LONP1: variants seen among roughly 807,000 people sequenced by gnomAD.
LONP1 encodes the protein lon protease homolog, mitochondrial.
A neutral mutation model predicts 98.5 loss-of-function variants in LONP1; 31 were observed. That is an observed-to-expected ratio of 0.31 (90% CI 0.24 to 0.42). The LOEUF is 0.42. Ranked by LOEUF, LONP1 falls within the 20% of genes least tolerant of loss-of-function variation. The pLI is 1.00. For synonymous variants in LONP1, 781 were observed against 594.7 expected (o/e 1.31, Z -4.56); for missense variants, 1,336 against 1,350.6 (o/e 0.99, Z 0.17).
At chr19:5,708,569 C>T (rs1361948372) in intron 4 of LONP1, 166 bp from the exon 5 acceptor site, 6 of 376,230 alleles carry the variant, frequency 1.6e-5, no homozygotes, top group Non-Finnish European at 3.2e-5. Flanking sequence ...GAGTGCAGTC[C>T]CTGGTGGACT....
At chr19:5,708,457 G>A (rs2055182562) in intron 4 of LONP1, 54 bp from the exon 5 acceptor site, 2 of 1,289,696 alleles carry the variant, frequency 1.6e-6, no homozygotes, top group Admixed American at 1.8e-5. Context: ...AGCAGGGGGT[G>A]GGCTGGGTGG....
At position 5,696,425 on chromosome 19, in the gene LONP1, C is replaced by G. The variant is rs2054929805; in HGVS notation, c.1774-54G>C. ...CTCGCCGTGCCCCTGGCCAGCCCGC[C>G]CAGTGGGGAGACCCCAGGGTCAGGG... On this transcript the variant is annotated intron_variant, in intron 11 of 17. Coordinates refer to ENST00000360614, the MANE Select transcript of LONP1 (RefSeq NM_004793.4). 1.9e-6 allele frequency: 3 copies of G among 1,592,500 alleles called. No individual in the cohort carries two copies. The Admixed American group carries it at 5.1e-5, about 27-fold the overall frequency.
Position 5,699,137 on chromosome 19 carries a change from AG to A in LONP1, c.1574del (p.Pro525LeufsTer16). 11 of 1,564,732 alleles carry A rather than the reference AG, an allele frequency of 7.0e-6. No homozygotes were observed. Among genetic ancestry groups the A allele is most frequent in the Admixed American group, 1.8e-5 (1 of 55,898 alleles). On this transcript the variant is annotated frameshift_variant, in exon 10 of 18. Transcript: ENST00000360614. LOFTEE classifies it high-confidence loss of function. The stretch of plus-strand genomic sequence containing the variant: ...GAGCAATGCTGGTCTTACCCACGCC[AG>A]GGGGGCCATAGAAGCAGAGGATCTT... Reference protein sequence around the residue: ...QGKILCFYGPPGVGKTSIARS... With the variant: ...QGKILCFYGPXGVGKTSIARS...
Position 5,707,140 on chromosome 19 carries a change from G to C in LONP1, c.1066C>G (p.Pro356Ala), listed in dbSNP as rs577823016. ...LQDVLEETNI[P>A]KRLYKALSLL... ...GAGAGGGCCTTGTACAGCCGCTTAG[G>C]AATCTGCCGAGACAGGGAGGACAGA... The change falls in exon 7 of 18, where the codon CCT becomes GCT. Residue 356 changes from proline (P) to alanine (A), a missense_variant. Pro to Ala is a conservative substitution (Grantham distance 27). This residue lies in a region of LONP1 where 97 missense variants were observed against 139.0 expected (regional missense o/e 0.70). Transcript: ENST00000360614. 2.5e-6 allele frequency: 4 copies of C among 1,612,766 alleles called. No homozygotes were observed. The highest frequency in any genetic ancestry group is 2.2e-5 in the East Asian group (1 of 44,888).
intron 8 of LONP1, among the ~76,000 whole-genome samples, chr19:5,705,476 AAGC>A (rs1321229327): frequency 6.6e-6 from 1 of 151,026 alleles, no homozygotes; most frequent in East Asian, 1.9e-4. Context: ...AAAAAAAAAA[AAGC>A]AGCCCTGGCT....
chr19:5,717,164 A>G (rs1415027456), intron 1 of LONP1, among the ~76,000 whole-genome samples: 2 of 152,226 alleles, frequency 1.3e-5, no homozygotes, highest in Non-Finnish European at 2.9e-5. Flanking sequence ...CCCACCAAAA[A>G]TTAAGAGCCA....
At chr19:5,698,483 C>A (rs1272214716) in intron 10 of LONP1, among the ~76,000 whole-genome samples, 2 of 152,226 alleles carry the variant, frequency 1.3e-5, no homozygotes, top group Non-Finnish European at 2.9e-5. Context: ...TGGGAGGGCG[C>A]TGAACTCTGA....
At chr19:5,714,968 A>G (rs2055292609) in intron 1 of LONP1, 1 of 150,168 alleles carries the variant, frequency 6.7e-6, no homozygotes, top group Non-Finnish European at 1.5e-5. Flanking sequence ...AGCCGCTCTA[A>G]CGCTGTGTAG....
intron 8 of LONP1, among the ~76,000 whole-genome samples, chr19:5,701,884 G>A (rs1398511279): frequency 2.7e-5 from 4 of 150,804 alleles, no homozygotes; most frequent in East Asian, 3.9e-4. Flanking sequence ...TGAGATGTGG[G>A]GAGCGCCTCT....
chr19:5,709,924 A>G (rs1380174210), intron 4 of LONP1, among the ~76,000 whole-genome samples: 1 of 150,286 alleles, frequency 6.7e-6, no homozygotes, highest in African/African-American at 2.4e-5. Flanking sequence ...AAAAAAAAAA[A>G]AAAAAAAAAA....
intron 1 of LONP1, among the ~76,000 whole-genome samples, chr19:5,716,851 T>C (rs918451180): frequency 1.3e-5 from 2 of 152,206 alleles, no homozygotes; most frequent in Admixed American, 1.3e-4. Context: ...TAGAGCGCAG[T>C]GGAGCGATCT....
chr19:5,698,908 G>A, intron 10 of LONP1, 119 bp downstream of exon 10: 1 of 1,044,394 alleles, frequency 9.6e-7, no homozygotes, highest in Non-Finnish European at 1.3e-6. Flanking sequence ...CAGCATGAGT[G>A]GAATCGGTTG....
chr19:5,716,121 C>T (rs905796094), intron 1 of LONP1, among the ~76,000 whole-genome samples: 14 of 151,310 alleles, frequency 9.3e-5, no homozygotes, highest in Non-Finnish European at 1.9e-4. Context: ...CCTGTAATCC[C>T]AGCACTTTGC....
Position 5,692,148 on chromosome 19 carries a change from C to T in LONP1, c.2764G>A (p.Asp922Asn), listed in dbSNP as rs139476430. 39 of 1,614,022 alleles carry T rather than the reference C, an allele frequency of 2.4e-5. No individual in the cohort carries two copies. The highest frequency in any genetic ancestry group is 4.5e-5 in the East Asian group (2 of 44,882). ...CCCTCGGTGATGAAGGCTGCCAGGT[C>T]GTAGAAGTCCTTCTTGTTCTCGGCT... is the stretch of plus-strand genomic sequence containing the variant. ...LPAENKKDFYDLAAFITEGLE... is the reference protein window; with the variant it reads ...LPAENKKDFYNLAAFITEGLE... Residue 922 changes from aspartate (D) to asparagine (N), a missense_variant, in exon 18 of 18, where the codon GAC becomes AAC. By Grantham distance (23) the Asp-to-Asn change is conservative. Coordinates refer to ENST00000360614, the MANE Select transcript of LONP1 (RefSeq NM_004793.4).
At chr19:5,705,486 G>C (rs903018690) in intron 8 of LONP1, among the ~76,000 whole-genome samples, 1 of 149,102 alleles carries the variant, frequency 6.7e-6, no homozygotes, top group African/African-American at 2.5e-5. Flanking sequence ...AAGCAGCCCT[G>C]GCTTAGAGCC....
Position 5,711,763 on chromosome 19 carries a change from G to T in LONP1, c.870+8C>A, listed in dbSNP as rs111811946. On this transcript the variant is annotated splice_region_variant and intron_variant, in intron 4 of 17. Transcript: ENST00000360614. ...GCTGTGGCCGCCCTGCGTGACGCAC[G>T]GACTCACTTTCACCTCCTCCGTGAC... is the stretch of plus-strand genomic sequence containing the variant. 7 of 1,601,738 alleles carry T rather than the reference G, an allele frequency of 4.4e-6. No homozygotes were observed. The African/African-American group carries it at 5.4e-5, about 12-fold the overall frequency.
Position 5,719,775 on chromosome 19 carries a change from C to G in LONP1, c.358G>C (p.Val120Leu). 1.2e-6 allele frequency: 2 copies of G among 1,613,446 alleles called. No homozygotes were observed. Among genetic ancestry groups the G allele is most frequent in the Non-Finnish European group, 1.7e-6 (2 of 1,180,002 alleles). Residue 120 changes from valine to leucine, a missense_variant, in exon 1 of 18, where the codon GTG (valine) becomes CTG (leucine). Val to Leu is a conservative substitution (Grantham distance 32). Coordinates refer to ENST00000360614, the MANE Select transcript of LONP1 (RefSeq NM_004793.4). ...GCGATGAGCGGCAGGTGCGGAAACACATCGGGGATCGTCATGGGCGTGAGC... is the reference window on the plus strand; with the variant it reads ...GCGATGAGCGGCAGGTGCGGAAACAGATCGGGGATCGTCATGGGCGTGAGC... ...TALTPMTIPD[V>L]FPHLPLIAIT...
Position 5,695,331 on chromosome 19 carries a change from GC to G in LONP1, c.2014-431del, listed in dbSNP as rs2054906831. Reference sequence around the variant, plus strand: ...CTTGCCACAGTTCTGAGCTCTAATGGCATGGGGGAGGGCATCTGTGAGACGG... The same window carrying G: ...CTTGCCACAGTTCTGAGCTCTAATGGATGGGGGAGGGCATCTGTGAGACGG... On this transcript the variant is annotated intron_variant, in intron 13 of 17. Coordinates refer to ENST00000360614, the MANE Select transcript of LONP1 (RefSeq NM_004793.4). Among the ~76,000 whole-genome samples the G allele has an allele frequency of 2.6e-5, 4 of 152,048 alleles. No individual in the cohort carries two copies. The South Asian group carries it at 8.3e-4, about 31-fold the overall frequency.
intron 10 of LONP1, among the ~76,000 whole-genome samples, chr19:5,697,509 G>T (rs78290532): frequency 1.4e-5 from 2 of 146,338 alleles, no homozygotes; most frequent in African/African-American, 2.5e-5. Flanking sequence ...AGGGAGGAGG[G>T]GGGGAGAGAA....
Sources: allele counts gnomAD v4.1 joint callset (sites outside exome capture counted in the v4.1 genomes callset), GRCh38; gene constraint gnomAD v4.1.1; regional missense constraint gnomAD v4.1.1; transcripts MANE v1.5; gene names NCBI Gene and HGNC (gene_info 2026-07-23, HGNC 2026-07-21).